The following HOXB3 variants were observed in gnomAD, a reference collection of about 807,000 sequenced individuals.
HOXB3 encodes homeobox protein Hox-B3.
HOXB3 carries 17 observed loss-of-function variants against 29.2 expected under a neutral mutation model. That is an observed-to-expected ratio of 0.58 (90% CI 0.40 to 0.87). The LOEUF (loss-of-function observed/expected upper bound fraction) is 0.87, where lower values mean the gene tolerates loss of function less well. HOXB3 is among the 40% of genes least tolerant of loss of function. The pLI is 0.00. For synonymous variants in HOXB3, 317 were observed against 285.9 expected, an observed-to-expected ratio of 1.11 and a Z score of -1.10; for missense variants, 637 against 616.3, an observed-to-expected ratio of 1.03 and a Z score of -0.35.
At chr17:48,572,716 G>A (rs2069625135) in intron 2 of HOXB3, among the ~76,000 whole-genome samples, 1 of 152,040 alleles carries the variant, frequency 6.6e-6, no homozygotes, top group Admixed American at 6.5e-5. Context: ...TTCCCCCAGT[G>A]GGCAGTAATA....
chr17:48,550,989 C>T lies in HOXB3; in HGVS notation c.641G>A (p.Cys214Tyr). 1 of 1,613,568 alleles carries T rather than the reference C, an allele frequency of 6.2e-7. No homozygotes were observed. Among genetic ancestry groups the T allele is most frequent in the South Asian group, 1.1e-5 (1 of 91,070 alleles). ...EKEFHFNRYL[C>Y]RPRRVEMANL... ...GGCCATCTCTACACGGCGAGGCCGG[C>T]ACAGGTAGCGGTTAAAATGGAACTC... is the stretch of plus-strand genomic sequence containing the variant. Residue 214 changes from cysteine to tyrosine, a missense_variant, in exon 5 of 5, where the codon TGC becomes TAC. By Grantham distance (194) the Cys-to-Tyr change is radical. Transcript: ENST00000498678.
At chr17:48,590,071 A>T (rs1360364462) in intron 1 of HOXB3, 54 bp downstream of exon 1, 1 of 152,194 alleles carries the variant, frequency 6.6e-6, no homozygotes, top group Non-Finnish European at 1.5e-5. Context: ...TTCTTCCCCC[A>T]GTCCCAGGCC....
intron 2 of HOXB3, among the ~76,000 whole-genome samples, chr17:48,561,118 TGTG>T (rs1410936359): frequency 6.6e-6 from 1 of 150,750 alleles, no homozygotes; most frequent in African/African-American, 2.4e-5. Flanking sequence ...AGGCAGAGGT[TGTG>T]GTGAGTGGAG....
At chr17:48,553,030 T>C (rs1000894890) in intron 3 of HOXB3, 4 of 152,500 alleles carry the variant, frequency 2.6e-5, no homozygotes, top group African/African-American at 9.6e-5. Context: ...CCCAGAGGCT[T>C]CTATGCTTCC....
At chr17:48,583,345 C>T (rs2069987414) in intron 1 of HOXB3, among the ~76,000 whole-genome samples, 1 of 152,186 alleles carries the variant, frequency 6.6e-6, no homozygotes, top group East Asian at 1.9e-4. Context: ...ACCCCCATCA[C>T]CCACACAAGG....
intron 1 of HOXB3, chr17:48,578,063 G>A (rs1462343916): frequency 8.7e-7 from 1 of 1,155,748 alleles, no homozygotes; most frequent in Non-Finnish European, 1.1e-6. Context: ...CAGACCGGGC[G>A]GTGGCGGGGG....
At chr17:48,558,476 A>C (rs2069078364) in intron 2 of HOXB3, among the ~76,000 whole-genome samples, 1 of 152,092 alleles carries the variant, frequency 6.6e-6, no homozygotes, top group South Asian at 2.1e-4. Flanking sequence ...TTAATTCTGG[A>C]GTACAGAGCC....
At position 48,558,942 on chromosome 17, in the gene HOXB3, A is replaced by T. The variant is rs774111458; in HGVS notation, c.-246-3324T>A. Among the ~76,000 whole-genome samples the T allele has an allele frequency of 1.8e-3, 263 of 148,660 alleles. 1 individual carries two copies. Among genetic ancestry groups the T allele is most frequent in the African/African-American group, 4.1e-3 (168 of 40,600 alleles). On this transcript the variant is annotated intron_variant, in intron 2 of 4. Coordinates refer to ENST00000498678, the MANE Select transcript of HOXB3 (RefSeq NM_001384749.1). The stretch of plus-strand genomic sequence containing the variant: ...TGTGTGTAGGGTGTGTGTGTGTGTG[A>T]GAGAGAGAGAGAGAGAAAGGAGGAG...
rs762708970 is a variant in HOXB3 at position 48,552,387 on chromosome 17, C to G, written c.88G>C (p.Asp30His). ...SYPGSNGFGF[D>H]VPPQPPFQAA... ...TGAAATGGGGGTTGGGGGGGGACAT[C>G]GAAGCCGAAGCCATTGCTGCCAGGG... The change falls in exon 4 of 5, where the codon GAT (aspartate) becomes CAT (histidine). Residue 30 changes from aspartate to histidine, a missense_variant. Asp to His is a moderately conservative substitution (Grantham distance 81). Transcript: ENST00000498678. 6.2e-7 allele frequency: 1 copy of G among 1,612,468 alleles called. No individual in the cohort carries two copies. Among genetic ancestry groups the G allele is most frequent in the Non-Finnish European group, 8.5e-7 (1 of 1,178,932 alleles).
At chr17:48,587,576 C>T (rs1201163824) in intron 1 of HOXB3, among the ~76,000 whole-genome samples, 2 of 152,154 alleles carry the variant, frequency 1.3e-5, no homozygotes, top group Non-Finnish European at 2.9e-5. Flanking sequence ...ATAAAGGAAC[C>T]AGGCAAGGAA....
intron 2 of HOXB3, among the ~76,000 whole-genome samples, chr17:48,573,017 A>T (rs1418500523): frequency 6.6e-6 from 1 of 152,150 alleles, no homozygotes; most frequent in Non-Finnish European, 1.5e-5. Context: ...GCCTCAGGGA[A>T]AAAGGGCCAA....
At chr17:48,584,545 G>A (rs72829868) in intron 1 of HOXB3, among the ~76,000 whole-genome samples, 6,844 of 152,290 alleles carry the variant, frequency 0.045, 195 homozygotes, top group South Asian at 0.071. Context: ...CCTTCACATT[G>A]GAAGTATTCT....
chr17:48,557,212 ACTCTTTT>A (rs1190382354), intron 2 of HOXB3: 2 of 152,228 alleles, frequency 1.3e-5, no homozygotes, highest in African/African-American at 2.4e-5. Flanking sequence ...TAGAAAGCTG[ACTCTTTT>A]CTCTAAAGGC....
intron 1 of HOXB3, chr17:48,576,650 T>TGCCCCC: frequency 1.5e-4 from 84 of 567,720 alleles, no homozygotes; most frequent in East Asian, 7.2e-4. Flanking sequence ...CCCCCTCCTG[T>TGCCCCC]CCCCCCACCC....
At chr17:48,576,418 T>C in intron 1 of HOXB3, 1 of 274,348 alleles carries the variant, frequency 3.6e-6, no homozygotes, top group East Asian at 6.5e-5. Context: ...CCTCCTCCTA[T>C]TTCTCTTTCT....
intron 3 of HOXB3, among the ~76,000 whole-genome samples, chr17:48,555,161 C>T (rs1597817532): frequency 6.6e-6 from 1 of 151,682 alleles, no homozygotes; most frequent in East Asian, 1.9e-4. Flanking sequence ...GGCCATCTTC[C>T]AGGACTTAAA....
At chr17:48,555,676 C>G (rs930083090) in intron 2 of HOXB3, 58 bp from the exon 3 acceptor site, 1 of 694,220 alleles carries the variant, frequency 1.4e-6, no homozygotes, top group Non-Finnish European at 2.6e-6. Context: ...CCCGCCCCCC[C>G]GCCCCCGCCC....
chr17:48,562,994 A>G (rs751014898), intron 2 of HOXB3, among the ~76,000 whole-genome samples: 2 of 152,142 alleles, frequency 1.3e-5, no homozygotes, highest in Non-Finnish European at 2.9e-5. Flanking sequence ...TCGAGCAGTA[A>G]TGGTGGGACA....
At chr17:48,551,377 T>G in intron 4 of HOXB3, 196 bp from the exon 5 acceptor site, 1 of 458,250 alleles carries the variant, frequency 2.2e-6, no homozygotes. Context: ...CACTCTATAA[T>G]AGTGGCATTT....
Sources: gnomAD v4.1 joint callset for allele counts (sites outside exome capture counted in the v4.1 genomes callset) on GRCh38, gnomAD v4.1.1 for gene constraint, MANE v1.5 for transcripts, NCBI Gene and HGNC (gene_info 2026-07-23, HGNC 2026-07-21) for gene names.